RPS6KA5: variants seen among roughly 807,000 people sequenced by gnomAD.
RPS6KA5 encodes ribosomal protein S6 kinase alpha-5.
RPS6KA5 carries 27 observed loss-of-function variants against 85.5 expected under a neutral mutation model. That is an observed-to-expected ratio of 0.32 (90% CI 0.23 to 0.44). RPS6KA5 has a LOEUF of 0.44. Ranked by LOEUF, RPS6KA5 falls within the 20% of genes least tolerant of loss-of-function variation. RPS6KA5 has a pLI of 1.00. For missense variants in RPS6KA5, 811 were observed against 980.9 expected (o/e 0.83, Z 2.31); for synonymous variants, 334 against 348.2 (o/e 0.96, Z 0.46).
chr14:90,885,552 CAAAAAAAAAAAAAAAAAAAAAAAAAA>C (rs780292114), intron 14 of RPS6KA5, among the ~76,000 whole-genome samples: 1 of 19,876 alleles, frequency 5.0e-5, no homozygotes. Context: ...GACTCCGTCT[CAAAAAAAAAAAAAAAAAAAAAAAAAA>C]AAAAAAAAAA....
chr14:90,867,025 A>G lies in RPS6KA5; in HGVS notation c.*5049T>C, dbSNP rs1044900010. 4.6e-5 allele frequency: 7 copies of G among 152,196 alleles called. No individual in the cohort carries two copies. Among genetic ancestry groups the G allele is most frequent in the Admixed American group, 1.3e-4 (2 of 15,280 alleles). 9.4% of individuals were successfully genotyped at this position (152,196 alleles called of 1,614,324 possible). A position where few individuals can be genotyped will look rare whatever the true frequency, so the allele number is the denominator to read the frequency against. ...AATTGTCACATACATATCCATTCCA[A>G]CATAGCAGTGCACATTTCACATGAC... On this transcript the variant is annotated 3_prime_UTR_variant, in exon 17 of 17. Coordinates refer to ENST00000614987, the MANE Select transcript of RPS6KA5 (RefSeq NM_004755.4).
At chr14:91,030,820 TTAAAGGTCTAGATAA>T in intron 1 of RPS6KA5, among the ~76,000 whole-genome samples, 1 of 151,922 alleles carries the variant, frequency 6.6e-6, no homozygotes, top group East Asian at 1.9e-4. Context: ...GGGGAGCCTA[TTAAAGGTCTAGATAA>T]TAAAGTTAAA....
chr14:90,964,664 A>C (rs1031082668), intron 3 of RPS6KA5, among the ~76,000 whole-genome samples: 2 of 152,184 alleles, frequency 1.3e-5, no homozygotes, highest in African/African-American at 4.8e-5. Context: ...CTGTAATCAC[A>C]GCACTTTGGG....
chr14:90,885,753 AAAAAAAAAAAAAAAAAAAAAG>A (rs1163922203), intron 14 of RPS6KA5, among the ~76,000 whole-genome samples: 1 of 123,014 alleles, frequency 8.1e-6, no homozygotes, highest in Non-Finnish European at 1.7e-5. Context: ...AAAAAAAAAA[AAAAAAAAAAAAAAAAAAAAAG>A]AAAAAAGAAA....
intron 7 of RPS6KA5, among the ~76,000 whole-genome samples, chr14:90,917,597 C>T (rs962941420): frequency 6.6e-6 from 1 of 152,040 alleles, no homozygotes; most frequent in Non-Finnish European, 1.5e-5. Context: ...TGCTATTCTG[C>T]TTTTTGTCAC....
chr14:90,941,373 G>A (rs2037563355), intron 5 of RPS6KA5, among the ~76,000 whole-genome samples: 1 of 152,148 alleles, frequency 6.6e-6, no homozygotes, highest in South Asian at 2.1e-4. Flanking sequence ...TGGCTTCTCA[G>A]AGAAAACTCC....
intron 5 of RPS6KA5, among the ~76,000 whole-genome samples, chr14:90,927,864 G>C (rs967493974): frequency 6.6e-6 from 1 of 151,208 alleles, no homozygotes; most frequent in Admixed American, 6.6e-5. Context: ...ACAAAATCCT[G>C]TATCCATCAA....
intron 3 of RPS6KA5, among the ~76,000 whole-genome samples, chr14:90,948,098 T>C (rs1388932296): frequency 6.6e-6 from 1 of 152,232 alleles, no homozygotes; most frequent in African/African-American, 2.4e-5. Flanking sequence ...TCAAAGATTC[T>C]GAAAGTAGAA....
intron 13 of RPS6KA5, among the ~76,000 whole-genome samples, chr14:90,891,998 CT>C (rs11351056): frequency 0.57 from 79,004 of 139,088 alleles, 21,929 homozygotes; most frequent in African/African-American, 0.66. Context: ...GATTTTAGTT[CT>C]TTTTTTTTTT....
chr14:91,011,025 A>T (rs2041233527), intron 1 of RPS6KA5, among the ~76,000 whole-genome samples: 1 of 152,230 alleles, frequency 6.6e-6, no homozygotes, highest in African/African-American at 2.4e-5. Flanking sequence ...ATGCCTCAGC[A>T]GTCAGCTTGG....
intron 16 of RPS6KA5, among the ~76,000 whole-genome samples, chr14:90,872,539 G>T (rs1163130624): frequency 6.6e-6 from 1 of 152,110 alleles, no homozygotes; most frequent in Non-Finnish European, 1.5e-5. Flanking sequence ...TATCAAACTA[G>T]CTAGGCGGTC....
At chr14:90,928,608 G>T (rs1020812761) in intron 5 of RPS6KA5, among the ~76,000 whole-genome samples, 1 of 150,808 alleles carries the variant, frequency 6.6e-6, no homozygotes, top group Non-Finnish European at 1.5e-5. Flanking sequence ...TGATGTCAAA[G>T]AATTTAAAAA....
At chr14:90,992,179 T>A (rs1286058) in intron 2 of RPS6KA5, among the ~76,000 whole-genome samples, 107,595 of 152,000 alleles carry the variant, frequency 0.71, 38,169 homozygotes, top group East Asian at 0.87. Flanking sequence ...TTATATTCAT[T>A]ATAAAAGCTT....
chr14:91,016,771 G>GGTGATA (rs1350112302), intron 1 of RPS6KA5, among the ~76,000 whole-genome samples: 99 of 151,466 alleles, frequency 6.5e-4, no homozygotes, highest in African/African-American at 2.4e-3. Flanking sequence ...CCAATAGTTT[G>GGTGATA]GTTGGATGGT....
At chr14:91,019,081 G>A (rs2041626144) in intron 1 of RPS6KA5, among the ~76,000 whole-genome samples, 1 of 152,072 alleles carries the variant, frequency 6.6e-6, no homozygotes, top group Non-Finnish European at 1.5e-5. Flanking sequence ...TATCATGTTA[G>A]GCAGATTTAT....
intron 3 of RPS6KA5, among the ~76,000 whole-genome samples, chr14:90,962,980 C>T (rs536588669): frequency 2.6e-5 from 4 of 152,184 alleles, no homozygotes; most frequent in African/African-American, 9.6e-5. Flanking sequence ...ATAAAAATAC[C>T]ATTTCCTAAT....
At chr14:90,919,535 G>A (rs187720960) in intron 7 of RPS6KA5, among the ~76,000 whole-genome samples, 4 of 152,040 alleles carry the variant, frequency 2.6e-5, no homozygotes, top group South Asian at 2.1e-4. Flanking sequence ...GTATAATGTT[G>A]GTCACTATTC....
intron 5 of RPS6KA5, among the ~76,000 whole-genome samples, chr14:90,930,594 A>G (rs2036921146): frequency 6.6e-6 from 1 of 152,186 alleles, no homozygotes; most frequent in Non-Finnish European, 1.5e-5. Flanking sequence ...ACAGAATGAA[A>G]GGCAACCTAC....
At chr14:90,978,216 G>T in intron 3 of RPS6KA5, 90 bp downstream of exon 3, 1 of 900,434 alleles carries the variant, frequency 1.1e-6, no homozygotes, top group Middle Eastern at 2.6e-4. Context: ...CTTCTTCTAA[G>T]TCCATAGTAT....
Sources: allele counts gnomAD v4.1 joint callset (sites outside exome capture counted in the v4.1 genomes callset), GRCh38; gene constraint gnomAD v4.1.1; transcripts MANE v1.5; gene names NCBI Gene and HGNC (gene_info 2026-07-23, HGNC 2026-07-21).